Variants in XPO6 observed in about 807,000 individuals in gnomAD.
XPO6 encodes exportin-6.
In XPO6, 3 loss-of-function variants were observed where a neutral mutation model predicts 130.0. That is an observed-to-expected ratio of 0.02 (90% confidence interval 0.01 to 0.06). The LOEUF (loss-of-function observed/expected upper bound fraction) is 0.06. Among genes scored for constraint, XPO6 ranks in the 10% least tolerant of loss-of-function variants. The pLI is 1.00. For missense variants in XPO6, 970 were observed against 1,393.0 expected (o/e 0.70, Z 4.83); for synonymous variants, 524 against 548.9 (o/e 0.95, Z 0.63).
rs8051057 is a variant in XPO6, at chr16:28,106,985, T to A, written c.2498-488A>T. Among the ~76,000 whole-genome samples the A allele has an allele frequency of 3.6e-3, 543 of 152,328 alleles. 5 individuals are homozygous for A. Among genetic ancestry groups the A allele is most frequent in the African/African-American group, 0.013 (525 of 41,566 alleles). ...ATGGATTAATTGCAGAAAATACTGG[T>A]TACATATAGGGCAGTTTCACTTCCA... On this transcript the variant is annotated intron_variant, in intron 18 of 23. Transcript: ENST00000304658. The surrounding 1 kb of genome is among the most constrained non-coding windows in gnomAD (Gnocchi z 4.2).
intron 13 of XPO6, among the ~76,000 whole-genome samples, chr16:28,123,978 G>A (rs747397237): frequency 5.3e-5 from 8 of 151,670 alleles, no homozygotes; most frequent in Admixed American, 6.6e-5. Flanking sequence ...AAGCAGTGCA[G>A]AAAGATAGGG....
chr16:28,104,658 G>A lies in XPO6; in HGVS notation c.2834C>T (p.Thr945Met), dbSNP rs375931973. The change falls in exon 21 of 24, where the codon ACG becomes ATG. Residue 945 changes from threonine (T) to methionine (M), a missense_variant. Physicochemically the swap from Thr to Met is moderately conservative, Grantham distance 81. Coordinates refer to ENST00000304658, the MANE Select transcript of XPO6 (RefSeq NM_015171.4). ...KAELFELLFR[T>M]LHHNWRYFFK... The stretch of plus-strand genomic sequence containing the variant: ...GAAGTACCTCCAGTTGTGATGGAGC[G>A]TCCGGAAAAGGAGCTCAAACAGCTC... 33 of 1,614,048 alleles carry A rather than the reference G, an allele frequency of 2.0e-5. No homozygotes were observed. The highest frequency in any genetic ancestry group is 5.3e-5 in the African/African-American group (4 of 74,924).
rs116210412 is a variant in XPO6, at chr16:28,125,237, T to C, written c.1766+452A>G. ...AAACACAAAAAGCACCCTGTGCATC[T>C]AGCTGCCTACTTGGACAATGGAGTT... is the stretch of plus-strand genomic sequence containing the variant. On this transcript the variant is annotated intron_variant, in intron 13 of 23. Coordinates refer to ENST00000304658, the MANE Select transcript of XPO6 (RefSeq NM_015171.4). 9.8e-3 allele frequency among the ~76,000 whole-genome samples: 1,495 copies of C among 152,336 alleles called. 30 individuals carry two copies. The highest frequency in any genetic ancestry group is 0.034 in the African/African-American group (1,422 of 41,562).
chr16:28,105,789 C>T (rs527711660), intron 20 of XPO6: 5 of 474,178 alleles, frequency 1.1e-5, no homozygotes, highest in Admixed American at 7.0e-5. Flanking sequence ...TAAAATTTGC[C>T]GCAGGAGACT....
chr16:28,153,414 A>G, intron 7 of XPO6: 1 of 984,852 alleles, frequency 1.0e-6, no homozygotes, highest in Non-Finnish European at 1.2e-6. Context: ...GATGAAGCCC[A>G]GAGAGGTAAA....
At chr16:28,209,362 G>A (rs185948238) in intron 1 of XPO6, among the ~76,000 whole-genome samples, 80 of 152,114 alleles carry the variant, frequency 5.3e-4, no homozygotes, top group African/African-American at 1.7e-3. Context: ...TATTGAGGCC[G>A]GGCGCGATGG....
chr16:28,137,642 CT>C (rs55827349), intron 9 of XPO6, among the ~76,000 whole-genome samples: 145,291 of 150,174 alleles, frequency 0.97, 70,430 homozygotes, highest in South Asian at 1. Flanking sequence ...ACCAGAGTAT[CT>C]TTTTTTTTTT....
chr16:28,155,312 T>G (rs1350216085), intron 7 of XPO6, among the ~76,000 whole-genome samples: 2 of 152,212 alleles, frequency 1.3e-5, no homozygotes, highest in Non-Finnish European at 2.9e-5. Context: ...GTCAATCTGA[T>G]TGTTCATAAT....
intron 14 of XPO6, among the ~76,000 whole-genome samples, chr16:28,119,190 T>C (rs2087160193): frequency 6.6e-6 from 1 of 151,680 alleles, no homozygotes; most frequent in Non-Finnish European, 1.5e-5. Context: ...TATTTTTTTT[T>C]TTTTTTTTGG....
chr16:28,159,889 GT>G (rs1483133693), intron 6 of XPO6, among the ~76,000 whole-genome samples: 3 of 152,072 alleles, frequency 2.0e-5, no homozygotes, highest in African/African-American at 7.3e-5. Flanking sequence ...TTTTTGTTAC[GT>G]TTAGGTAAAA....
At position 28,144,641 on chromosome 16, in the gene XPO6, A is replaced by G. The variant is rs76808720; in HGVS notation, c.1334+1453T>C. Among the ~76,000 whole-genome samples, 290 of 152,302 alleles carry G rather than the reference A, an allele frequency of 1.9e-3. 1 individual carries two copies. The East Asian group carries it at 0.046, about 24-fold the overall frequency. ...GAAAAGCCTTTGGAGTTCCAGCCCA[A>G]CCTTTTCTCTGCAGTGGAGTCTCTC... On this transcript the variant is annotated intron_variant, in intron 9 of 23. Coordinates refer to ENST00000304658, the MANE Select transcript of XPO6 (RefSeq NM_015171.4).
In XPO6 at chr16:28,176,081, T is replaced by C; in HGVS notation, c.222A>G (p.Lys74=). 6.2e-7 allele frequency: 1 copy of C among 1,614,172 alleles called. No individual in the cohort carries two copies. Among genetic ancestry groups the C allele is most frequent in the Non-Finnish European group, 8.5e-7 (1 of 1,180,026 alleles). The change falls in exon 4 of 24, where the codon AAA becomes AAG. Residue 74 remains lysine (K), a synonymous_variant. Coordinates refer to ENST00000304658, the MANE Select transcript of XPO6 (RefSeq NM_015171.4). The part of the protein sequence containing the change: ...SLTVFENLIN[K]MWLGVPSQDK... ...CCTGAGATGGGACCCCAAGCCACAT[T>C]TTATTGATCAGATTCTGAAAAACAA...
rs1225345574 is a variant in XPO6, at chr16:28,208,145, C to CA, written c.3+3220dup. On this transcript the variant is annotated intron_variant, in intron 1 of 23. Coordinates refer to ENST00000304658, the MANE Select transcript of XPO6 (RefSeq NM_015171.4). The stretch of plus-strand genomic sequence containing the variant: ...TGGGTGACAGAGCGAGACTCCGTCT[C>CA]AAAAAAAAGAAAGAAAAAACAAGTA... Among the ~76,000 whole-genome samples, 8 of 151,450 alleles carry CA rather than the reference C, an allele frequency of 5.3e-5. No individual in the cohort carries two copies. The East Asian group carries it at 9.7e-4, about 18-fold the overall frequency.
chr16:28,107,380 CTT>C (rs2086808497), intron 18 of XPO6, 140 bp downstream of exon 18: 1 of 1,010,290 alleles, frequency 9.9e-7, no homozygotes, highest in African/African-American at 1.6e-5. Flanking sequence ...CATCACTGCC[CTT>C]TCCCCTCAGT....
intron 2 of XPO6, among the ~76,000 whole-genome samples, chr16:28,178,617 G>A (rs1467446204): frequency 2.6e-5 from 4 of 151,248 alleles, no homozygotes; most frequent in South Asian, 4.2e-4. Context: ...AAAAAAACTC[G>A]ACAACTTAGG....
chr16:28,188,671 CAAAAAAAAAAAAAAAAA>C (rs144107071), intron 1 of XPO6, among the ~76,000 whole-genome samples: 10 of 65,658 alleles, frequency 1.5e-4, no homozygotes, highest in Non-Finnish European at 2.0e-4. Flanking sequence ...TTCACCACTG[CAAAAAAAAAAAAAAAAA>C]AAAAAAAAAA....
chr16:28,168,053 G>A (rs191437006), intron 5 of XPO6, among the ~76,000 whole-genome samples: 6 of 152,246 alleles, frequency 3.9e-5, no homozygotes, highest in African/African-American at 1.2e-4. Context: ...CTAAAAGCCG[G>A]TCAATATTGC....
rs139217698 is a variant in XPO6, at chr16:28,142,637, C to G, written c.1334+3457G>C. On this transcript the variant is annotated intron_variant, in intron 9 of 23. Transcript: ENST00000304658. The stretch of plus-strand genomic sequence containing the variant: ...CCAGGCTGGAGTGCAATGGCATGAT[C>G]ATAGCTCACTGTGGCCTCCAACTCC... 7.5e-4 allele frequency among the ~76,000 whole-genome samples: 114 copies of G among 152,214 alleles called. 1 individual carries two copies. Among genetic ancestry groups the G allele is most frequent in the East Asian group, 3.1e-3 (16 of 5,170 alleles).
chr16:28,201,690 A>T (rs958548071), intron 1 of XPO6, among the ~76,000 whole-genome samples: 1 of 152,064 alleles, frequency 6.6e-6, no homozygotes, highest in Non-Finnish European at 1.5e-5. Context: ...CCCCATCTCT[A>T]CTAAAAATAC....
Sources: allele counts gnomAD v4.1 joint callset (sites outside exome capture counted in the v4.1 genomes callset), GRCh38; gene constraint gnomAD v4.1.1; non-coding constraint Gnocchi (gnomAD v3.1); transcripts MANE v1.5; gene names NCBI Gene and HGNC (gene_info 2026-07-23, HGNC 2026-07-21).